The following DOK6 variants were observed in gnomAD, a reference collection of about 807,000 sequenced individuals.
DOK6 encodes docking protein 6.
In DOK6, 22 loss-of-function variants were observed where a neutral mutation model predicts 44.0. The ratio of observed to expected loss-of-function variants is 0.50; its 90% CI spans 0.36 to 0.71. The LOEUF is 0.71. DOK6 is among the 30% of genes least tolerant of loss of function. The probability of loss-of-function intolerance (pLI) is 0.00; values close to 1 mark genes in which losing one functional copy is unlikely to be tolerated. For missense variants in DOK6, 340 were observed against 416.4 expected (o/e 0.82, Z 1.60); for synonymous variants, 166 against 145.5 (o/e 1.14, Z -1.01).
At chr18:69,747,588 G>A (rs1033474642) in intron 6 of DOK6, among the ~76,000 whole-genome samples, 6 of 149,756 alleles carry the variant, frequency 4.0e-5, no homozygotes, top group African/African-American at 7.5e-5. Flanking sequence ...AGCTCTTTCC[G>A]CTCCGCCCCC....
chr18:69,746,259 T>A (rs763902285), intron 6 of DOK6, among the ~76,000 whole-genome samples: 10 of 152,172 alleles, frequency 6.6e-5, no homozygotes, highest in Non-Finnish European at 1.0e-4. Context: ...ATTTTATTTA[T>A]TTAATTATTT....
At chr18:69,736,302 T>C (rs1978603531) in intron 5 of DOK6, among the ~76,000 whole-genome samples, 1 of 133,864 alleles carries the variant, frequency 7.5e-6, no homozygotes, top group Non-Finnish European at 1.7e-5. Context: ...AATTTCCCTA[T>C]ATCACAATGT....
chr18:69,488,363 T>G (rs1980642118), intron 1 of DOK6, among the ~76,000 whole-genome samples: 1 of 152,150 alleles, frequency 6.6e-6, no homozygotes, highest in Non-Finnish European at 1.5e-5. Flanking sequence ...TGGGTCTCCC[T>G]CCCTCTGTTT....
At position 69,744,990 on chromosome 18, in the gene DOK6, C is replaced by T. The variant is rs143407606; in HGVS notation, c.738+5887C>T. On this transcript the variant is annotated intron_variant, in intron 6 of 7. Coordinates refer to ENST00000382713, the MANE Select transcript of DOK6 (RefSeq NM_152721.6). ...GCCCAAGGAGAAACATGTATCTCTG[C>T]GTAAGGACACGAAGGAGGTAGAGAT... Among the ~76,000 whole-genome samples the T allele has an allele frequency of 4.3e-4, 65 of 149,878 alleles. 1 individual carries two copies. The highest frequency in any genetic ancestry group is 1.3e-3 in the Admixed American group (19 of 15,046).
chr18:69,618,332 G>A (rs140102523), intron 3 of DOK6, among the ~76,000 whole-genome samples: 1 of 152,134 alleles, frequency 6.6e-6, no homozygotes, highest in African/African-American at 2.4e-5. Flanking sequence ...ACAGGTAGGT[G>A]CATGGAAAAA....
intron 4 of DOK6, among the ~76,000 whole-genome samples, chr18:69,680,781 T>G (rs1256646012): frequency 6.6e-6 from 1 of 152,216 alleles, no homozygotes; most frequent in Non-Finnish European, 1.5e-5. Flanking sequence ...ATCTCATCCG[T>G]CAACTTGGAC....
chr18:69,595,836 C>G (rs922658282), intron 2 of DOK6, among the ~76,000 whole-genome samples: 1 of 152,020 alleles, frequency 6.6e-6, no homozygotes, highest in Admixed American at 6.6e-5. Flanking sequence ...TTCTATGAAC[C>G]TTTCAAAGAC....
At chr18:69,409,998 G>A (rs182484982) in intron 1 of DOK6, among the ~76,000 whole-genome samples, 19 of 151,460 alleles carry the variant, frequency 1.3e-4, no homozygotes, top group African/African-American at 3.9e-4. Context: ...CCACATATTT[G>A]GAATCCTTAA....
At chr18:69,738,868 G>T in intron 5 of DOK6, 97 bp from the exon 6 acceptor site, 2 of 1,476,550 alleles carry the variant, frequency 1.4e-6, no homozygotes, top group South Asian at 2.6e-5. Flanking sequence ...GAGGTCAGGA[G>T]GAGGAGGCAC....
chr18:69,562,703 G>T (rs534075897), intron 1 of DOK6, among the ~76,000 whole-genome samples: 22 of 152,240 alleles, frequency 1.4e-4, no homozygotes, highest in South Asian at 1.0e-3. Context: ...AACCCTAGAA[G>T]AAAACCTAGG....
rs559824803 is a variant in DOK6 at position 69,727,017 on chromosome 18, G to C, written c.600-11948G>C. 4.5e-4 allele frequency among the ~76,000 whole-genome samples: 68 copies of C among 152,156 alleles called. No individual in the cohort carries two copies. In the South Asian group the frequency reaches 0.013, roughly 30 times the overall value. On this transcript the variant is annotated intron_variant, in intron 5 of 7. Transcript: ENST00000382713. ...CTACAGGTGGATGCTGCCATGCCTG[G>C]CTAAGTTTTTTTATTTCTTTATAGC...
intron 7 of DOK6, among the ~76,000 whole-genome samples, chr18:69,763,511 A>C (rs1018691512): frequency 6.6e-6 from 1 of 152,190 alleles, no homozygotes; most frequent in South Asian, 2.1e-4. Context: ...TATTCATACA[A>C]TTGTATTTCC....
intron 1 of DOK6, among the ~76,000 whole-genome samples, chr18:69,507,173 G>T (rs185163432): frequency 1.3e-5 from 2 of 151,846 alleles, no homozygotes; most frequent in South Asian, 4.2e-4. Flanking sequence ...GACTACAGGC[G>T]CGTGCCACCG....
At chr18:69,717,716 G>A (rs925656187) in intron 5 of DOK6, among the ~76,000 whole-genome samples, 17 of 152,314 alleles carry the variant, frequency 1.1e-4, no homozygotes, top group Non-Finnish European at 1.6e-4. Flanking sequence ...CATAGAAGCT[G>A]TGCCTCCTGA....
At chr18:69,813,083 T>C (rs937915227) in intron 7 of DOK6, among the ~76,000 whole-genome samples, 3 of 152,272 alleles carry the variant, frequency 2.0e-5, no homozygotes, top group East Asian at 1.9e-4. Flanking sequence ...CTTCATCTTA[T>C]GCAGATAGAC....
intron 3 of DOK6, among the ~76,000 whole-genome samples, chr18:69,650,706 T>G (rs1985201845): frequency 6.6e-6 from 1 of 152,172 alleles, no homozygotes; most frequent in Non-Finnish European, 1.5e-5. Flanking sequence ...TGTGCTTACC[T>G]TGAACAGTAC....
chr18:69,825,635 C>T (rs1981720968), intron 7 of DOK6, among the ~76,000 whole-genome samples: 1 of 151,666 alleles, frequency 6.6e-6, no homozygotes, highest in Non-Finnish European at 1.5e-5. Context: ...CGGGGTTTCA[C>T]CGTGTTAGCC....
intron 3 of DOK6, among the ~76,000 whole-genome samples, chr18:69,635,383 T>C (rs1984782376): frequency 6.6e-6 from 1 of 152,206 alleles, no homozygotes; most frequent in South Asian, 2.1e-4. Context: ...TGTATAAGCG[T>C]AATAATTCAT....
chr18:69,652,342 G>A lies in DOK6; in HGVS notation c.290-25392G>A, dbSNP rs59121383. Among the ~76,000 whole-genome samples the A allele has an allele frequency of 5.3e-5, 8 of 152,228 alleles. No homozygotes were observed. The East Asian group carries it at 1.5e-3, about 29-fold the overall frequency. ...CTTGTTTTAACTCCTGGTTTTAAAAGACGAATATTCCACATAAATACGAGA... is the reference window on the plus strand; with the variant it reads ...CTTGTTTTAACTCCTGGTTTTAAAAAACGAATATTCCACATAAATACGAGA... On this transcript the variant is annotated intron_variant, in intron 3 of 7. Coordinates refer to ENST00000382713, the MANE Select transcript of DOK6 (RefSeq NM_152721.6).
Sources: allele counts gnomAD v4.1 joint callset (sites outside exome capture counted in the v4.1 genomes callset), GRCh38; gene constraint gnomAD v4.1.1; transcripts MANE v1.5; gene names NCBI Gene and HGNC (gene_info 2026-07-23, HGNC 2026-07-21).